Variants in GRM1 observed in about 807,000 individuals in gnomAD.
GRM1 encodes metabotropic glutamate receptor 1.
A neutral mutation model predicts 90.9 loss-of-function variants in GRM1; 33 were observed. The observed-to-expected ratio is 0.36, with a 90% CI of 0.28 to 0.49. The LOEUF (loss-of-function observed/expected upper bound fraction) is 0.49. Ranked by LOEUF, GRM1 falls within the 20% of genes least tolerant of loss-of-function variation. GRM1 has a pLI of 0.99. For synonymous variants in GRM1, 700 were observed against 613.2 expected, an observed-to-expected ratio of 1.14 and a Z score of -2.09; for missense variants, 1,190 against 1,534.3, an observed-to-expected ratio of 0.78 and a Z score of 3.75.
chr6:146,187,966 C>T (rs1427615254), intron 2 of GRM1, among the ~76,000 whole-genome samples: 1 of 151,944 alleles, frequency 6.6e-6, no homozygotes, highest in African/African-American at 2.4e-5. Flanking sequence ...ACTGAATATC[C>T]AGTTGGTAAA....
intron 2 of GRM1, among the ~76,000 whole-genome samples, chr6:146,218,591 A>G (rs1779952813): frequency 6.6e-6 from 1 of 152,224 alleles, no homozygotes; most frequent in Admixed American, 6.5e-5. Context: ...TAAATAAATT[A>G]GTTCCTTGTT....
At chr6:146,086,626 G>GTC (rs541684108) in intron 1 of GRM1, among the ~76,000 whole-genome samples, 94 of 152,008 alleles carry the variant, frequency 6.2e-4, no homozygotes, top group African/African-American at 2.0e-3. Context: ...GGGGTGTGAT[G>GTC]TCTCTCTCTC....
intron 2 of GRM1, among the ~76,000 whole-genome samples, chr6:146,170,660 TA>T (rs1778084184): frequency 6.6e-6 from 1 of 152,160 alleles, no homozygotes; most frequent in South Asian, 2.1e-4. Context: ...TGTATTTAAT[TA>T]GACACTGTCA....
chr6:146,197,780 A>T (rs1475781944), intron 2 of GRM1, among the ~76,000 whole-genome samples: 2 of 152,210 alleles, frequency 1.3e-5, no homozygotes, highest in Non-Finnish European at 2.9e-5. Context: ...AAAGAATGTC[A>T]ACATATGACT....
At chr6:146,383,355 A>G (rs1026436868) in intron 5 of GRM1, among the ~76,000 whole-genome samples, 7 of 152,242 alleles carry the variant, frequency 4.6e-5, no homozygotes, top group African/African-American at 1.7e-4. Context: ...TAGCAGTACT[A>G]ATTTTACACA....
chr6:146,189,811 C>T (rs971936931), intron 2 of GRM1, among the ~76,000 whole-genome samples: 6 of 152,240 alleles, frequency 3.9e-5, no homozygotes, highest in East Asian at 3.9e-4. Flanking sequence ...GACCTTCCAC[C>T]GAGGTAGCAT....
intron 2 of GRM1, among the ~76,000 whole-genome samples, chr6:146,204,944 T>C (rs1482139786): frequency 6.6e-6 from 1 of 152,238 alleles, no homozygotes; most frequent in African/African-American, 2.4e-5. Flanking sequence ...GACATGGGCT[T>C]TGTTTCATAG....
intron 5 of GRM1, among the ~76,000 whole-genome samples, chr6:146,377,899 G>T (rs1293234605): frequency 6.6e-6 from 1 of 152,162 alleles, no homozygotes; most frequent in Non-Finnish European, 1.5e-5. Context: ...CCTGGTGTTG[G>T]GTTTGTGGTT....
intron 2 of GRM1, among the ~76,000 whole-genome samples, chr6:146,164,944 A>C (rs1777857364): frequency 6.7e-6 from 1 of 149,874 alleles, no homozygotes; most frequent in African/African-American, 2.5e-5. Context: ...TTTTTTTTAC[A>C]GTTCTTGCAT....
At chr6:146,165,913 A>G (rs1777887841) in intron 2 of GRM1, among the ~76,000 whole-genome samples, 1 of 152,028 alleles carries the variant, frequency 6.6e-6, no homozygotes, top group South Asian at 2.1e-4. Context: ...TCTAACACCT[A>G]TAGTCTCATG....
At chr6:146,354,912 T>A (rs892531887) in intron 4 of GRM1, among the ~76,000 whole-genome samples, 7 of 152,176 alleles carry the variant, frequency 4.6e-5, no homozygotes, top group Non-Finnish European at 7.4e-5. Context: ...TCCATAGTTT[T>A]TTTCCCAGCT....
intron 2 of GRM1, among the ~76,000 whole-genome samples, chr6:146,247,695 G>A (rs1781109282): frequency 6.7e-6 from 1 of 148,874 alleles, no homozygotes; most frequent in Non-Finnish European, 1.5e-5. Flanking sequence ...AGATTGCAGT[G>A]AGCCAAGATT....
chr6:146,351,303 G>C (rs1303024124), intron 3 of GRM1, among the ~76,000 whole-genome samples: 2 of 152,156 alleles, frequency 1.3e-5, no homozygotes, highest in Non-Finnish European at 2.9e-5. Flanking sequence ...TCAAATGAGG[G>C]AGGAAATGCT....
intron 2 of GRM1, among the ~76,000 whole-genome samples, chr6:146,260,994 A>G (rs989811588): frequency 6.6e-6 from 1 of 151,882 alleles, no homozygotes; most frequent in Non-Finnish European, 1.5e-5. Context: ...AGTGAAAGCC[A>G]TTAATTGAAA....
rs544346717 is a variant in GRM1 at position 146,248,159 on chromosome 6, C to T, written c.951-56452C>T. On this transcript the variant is annotated intron_variant, in intron 2 of 7. Transcript: ENST00000282753. Reference sequence around the variant, plus strand: ...TCTCCCTCCCTTCCTTTTCTTCTTTCGTTCCTACAGAAGCAACCCATACCA... The same window carrying T: ...TCTCCCTCCCTTCCTTTTCTTCTTTTGTTCCTACAGAAGCAACCCATACCA... Among the ~76,000 whole-genome samples the T allele has an allele frequency of 7.9e-5, 12 of 152,054 alleles. No homozygotes were observed. In the South Asian group the frequency reaches 2.5e-3, roughly 32 times the overall value.
At chr6:146,232,112 G>GTTA (rs1475090023) in intron 2 of GRM1, among the ~76,000 whole-genome samples, 1 of 152,036 alleles carries the variant, frequency 6.6e-6, no homozygotes, top group East Asian at 1.9e-4. Flanking sequence ...GACAATTTAG[G>GTTA]TTATTTATTG....
chr6:146,368,472 C>G (rs893373145), intron 5 of GRM1, among the ~76,000 whole-genome samples: 13 of 151,988 alleles, frequency 8.6e-5, no homozygotes, highest in Non-Finnish European at 1.5e-4. Context: ...AAAAAGATTT[C>G]AATTTTTCCC....
intron 1 of GRM1, among the ~76,000 whole-genome samples, chr6:146,129,051 G>T (rs553940656): frequency 6.6e-6 from 1 of 152,034 alleles, no homozygotes; most frequent in Non-Finnish European, 1.5e-5. Context: ...GATATTTTCC[G>T]GTACATGTAA....
chr6:146,333,282 A>T (rs1209511016), intron 3 of GRM1, among the ~76,000 whole-genome samples: 2 of 152,166 alleles, frequency 1.3e-5, no homozygotes, highest in East Asian at 3.9e-4. Context: ...ATGGGTGCAA[A>T]CAATGGCTCC....
Sources: allele counts gnomAD v4.1 joint callset (sites outside exome capture counted in the v4.1 genomes callset), GRCh38; gene constraint gnomAD v4.1.1; transcripts MANE v1.5; gene names NCBI Gene and HGNC (gene_info 2026-07-23, HGNC 2026-07-21).